Variants in MMP26 observed in about 807,000 individuals in gnomAD.
MMP26 encodes the protein matrix metallopeptidase 26.
MMP26 carries 33 observed loss-of-function variants against 31.0 expected under a neutral mutation model. The observed-to-expected ratio is 1.06, with a 90% CI of 0.81 to 1.42. The LOEUF is 1.42. MMP26 is among the 40% of genes most tolerant of loss of function. The probability of loss-of-function intolerance (pLI) is 0.00; values close to 1 mark genes in which losing one functional copy is unlikely to be tolerated. For synonymous variants in MMP26, 122 were observed against 114.9 expected (o/e 1.06, Z -0.40); for missense variants, 347 against 316.1 (o/e 1.10, Z -0.74).
intron 2 of MMP26, among the ~76,000 whole-genome samples, chr11:4,862,842 T>G (rs563656877): frequency 6.6e-6 from 1 of 152,330 alleles, no homozygotes; most frequent in East Asian, 1.9e-4. Context: ...TGTATCTTTC[T>G]AACAAAATTT....
chr11:4,883,972 G>A (rs11034493), intron 2 of MMP26, among the ~76,000 whole-genome samples: 64,353 of 151,826 alleles, frequency 0.42, 15,469 homozygotes, highest in Non-Finnish European at 0.54. Flanking sequence ...TAAACTTCCT[G>A]TTCCTTGGCA....
chr11:4,757,419 G>T (rs1319568915), intron 1 of MMP26, among the ~76,000 whole-genome samples: 11 of 151,872 alleles, frequency 7.2e-5, no homozygotes, highest in Non-Finnish European at 1.3e-4. Flanking sequence ...CTTGGGTTAG[G>T]CAAAACATTA....
intron 2 of MMP26, among the ~76,000 whole-genome samples, chr11:4,813,194 A>G (rs933267996): frequency 6.6e-6 from 1 of 152,146 alleles, no homozygotes; most frequent in South Asian, 2.1e-4. Flanking sequence ...TCATTTATAA[A>G]TAGTTATACG....
chr11:4,816,005 A>G (rs1034821610), intron 2 of MMP26, among the ~76,000 whole-genome samples: 10 of 152,224 alleles, frequency 6.6e-5, no homozygotes, highest in African/African-American at 2.4e-4. Flanking sequence ...TGATGTAGGC[A>G]TTTATTGCTA....
rs1846599445 is a variant in MMP26 at position 4,966,684 on chromosome 11, AGTC to A, written c.-144-21380_-144-21378del. ...GTGAACAACGTTAGTTCATTTTCTT[AGTC>A]GTCTTTTTTTCATCAAGGAAACGCT... On this transcript the variant is annotated intron_variant, in intron 2 of 7. Transcript: ENST00000380390. 3.9e-5 allele frequency among the ~76,000 whole-genome samples: 6 copies of A among 152,264 alleles called. No homozygotes were observed. The South Asian group carries it at 1.2e-3, about 32-fold the overall frequency.
At chr11:4,899,190 A>T (rs1361823573) in intron 2 of MMP26, among the ~76,000 whole-genome samples, 1 of 152,180 alleles carries the variant, frequency 6.6e-6, no homozygotes, top group East Asian at 1.9e-4. Flanking sequence ...CTGGGAGCTG[A>T]TGTCTTAGTT....
intron 2 of MMP26, among the ~76,000 whole-genome samples, chr11:4,986,932 C>CTCCCTCTCTCTCTCTCTCTCT (rs1564819722): frequency 1.7e-5 from 1 of 60,408 alleles, no homozygotes; most frequent in African/African-American, 7.1e-5. Context: ...TCTCTCTCTC[C>CTCCCTCTCTCTCTCTCTCTCT]CTCTCTCTCT....
chr11:4,755,917 A>C (rs993256300), intron 1 of MMP26, among the ~76,000 whole-genome samples: 1 of 152,122 alleles, frequency 6.6e-6, no homozygotes, highest in African/African-American at 2.4e-5. Context: ...CAACATCTGG[A>C]AAATCCAGAG....
At chr11:4,925,257 G>C (rs1323677774) in intron 2 of MMP26, among the ~76,000 whole-genome samples, 2 of 152,236 alleles carry the variant, frequency 1.3e-5, no homozygotes, top group East Asian at 1.9e-4. Flanking sequence ...GTACTGCAAA[G>C]TCTATGTTAT....
intron 2 of MMP26, among the ~76,000 whole-genome samples, chr11:4,896,932 C>A (rs1347191666): frequency 6.6e-6 from 1 of 152,058 alleles, no homozygotes; most frequent in African/African-American, 2.4e-5. Context: ...GATGAACTGA[C>A]CTTTCATCAT....
chr11:4,952,164 G>A (rs2059981688), intron 2 of MMP26, among the ~76,000 whole-genome samples: 1 of 124,694 alleles, frequency 8.0e-6, no homozygotes, highest in South Asian at 2.4e-4. Context: ...CTCCCCCATA[G>A]GCATTCATGT....
intron 2 of MMP26, among the ~76,000 whole-genome samples, chr11:4,905,419 T>C (rs1340716176): frequency 6.6e-6 from 1 of 152,128 alleles, no homozygotes; most frequent in Non-Finnish European, 1.5e-5. Context: ...TACTATGTAC[T>C]TTTTTCAATT....
In MMP26 at chr11:4,822,292, C is replaced by T. The variant is rs1231672713; in HGVS notation, c.-145+54951C>T. 3.2e-6 allele frequency: 5 copies of T among 1,541,688 alleles called. No individual in the cohort carries two copies. Among genetic ancestry groups the T allele is most frequent in the Non-Finnish European group, 4.4e-6 (5 of 1,142,414 alleles). ...TCTGCTAATCCCTCCTGTGCTCAAC[C>T]CTATTATTTACAGTGTAAAGATTAA... On this transcript the variant is annotated intron_variant, in intron 2 of 7. Transcript: ENST00000380390.
intron 2 of MMP26, chr11:4,907,757 T>C (rs373468644): frequency 6.2e-7 from 1 of 1,613,974 alleles, no homozygotes; most frequent in African/African-American, 1.3e-5. Context: ...TCACAATCCC[T>C]TAAGATACAG....
In MMP26 at chr11:4,804,477, T is replaced by C. The variant is rs764048561; in HGVS notation, c.-145+37136T>C. The stretch of plus-strand genomic sequence containing the variant: ...TATTATTATATACAAGGCTTTTGGA[T>C]GGGACTATTGGATACCAGGGTGATT... On this transcript the variant is annotated intron_variant, in intron 2 of 7. Transcript: ENST00000380390. The C allele has an allele frequency of 1.4e-5, 13 of 910,702 alleles. No homozygotes were observed. In the East Asian group the frequency reaches 3.1e-4, roughly 22 times the overall value. 56.4% of individuals were successfully genotyped at this position (910,702 alleles called of 1,614,324 possible).
At chr11:4,749,169 A>AT (rs1466601819) in intron 1 of MMP26, among the ~76,000 whole-genome samples, 1 of 152,118 alleles carries the variant, frequency 6.6e-6, no homozygotes, top group Admixed American at 6.5e-5. Flanking sequence ...TGAGAACCAA[A>AT]TTAAGAACTC....
intron 2 of MMP26, chr11:4,908,703 G>A (rs1029741930): frequency 8.4e-6 from 2 of 237,784 alleles, no homozygotes; most frequent in Admixed American, 5.1e-5. Flanking sequence ...TATGAAGGAT[G>A]CTGATCTGAT....
chr11:4,913,526 T>C (rs1369013988), intron 2 of MMP26: 1 of 152,202 alleles, frequency 6.6e-6, no homozygotes, highest in Non-Finnish European at 1.5e-5. Flanking sequence ...TATATTGACA[T>C]GTATTACTCA....
chr11:4,830,432 A>G (rs905719149), intron 2 of MMP26, among the ~76,000 whole-genome samples: 1 of 152,218 alleles, frequency 6.6e-6, no homozygotes, highest in Non-Finnish European at 1.5e-5. Context: ...TAGTGTCCAC[A>G]TGTAGCATGG....
Sources: gnomAD v4.1 joint callset for allele counts (sites outside exome capture counted in the v4.1 genomes callset) on GRCh38, gnomAD v4.1.1 for gene constraint, MANE v1.5 for transcripts, NCBI Gene and HGNC (gene_info 2026-07-23, HGNC 2026-07-21) for gene names.